Variants in TMEM132D observed in about 807,000 individuals in gnomAD.
TMEM132D encodes the protein mature OL transmembrane protein.
TMEM132D carries 21 observed loss-of-function variants against 62.3 expected under a neutral mutation model. That is an observed-to-expected ratio of 0.34 (90% CI 0.24 to 0.49). The LOEUF (loss-of-function observed/expected upper bound fraction) is 0.49. Among genes scored for constraint, TMEM132D ranks in the 20% least tolerant of loss-of-function variants. The pLI is 0.99. For missense variants in TMEM132D, 1,346 were observed against 1,402.8 expected (o/e 0.96, Z 0.65); for synonymous variants, 621 against 575.6 (o/e 1.08, Z -1.13).
At chr12:129,125,401 TGTG>T (rs1004681440) in intron 5 of TMEM132D, among the ~76,000 whole-genome samples, 2 of 152,126 alleles carry the variant, frequency 1.3e-5, no homozygotes, top group Admixed American at 6.5e-5. Context: ...TTAATCGTCC[TGTG>T]ATTAAGAAAA....
Position 129,081,834 on chromosome 12 carries a change from C to G in TMEM132D, c.1848G>C (p.Val616=), listed in dbSNP as rs1300416351. Residue 616 remains valine (V), a synonymous_variant, in exon 7 of 9, where the codon GTG becomes GTC. Coordinates refer to ENST00000422113, the MANE Select transcript of TMEM132D (RefSeq NM_133448.3). ...ITELINDFMQ[V]EEPRIAKLQG... ...GCAGCTTGGCGATCCTGGGCTCCTC[C>G]ACCTGCATGAAGTCATTTATCAGCT... 6 of 1,613,822 alleles carry G rather than the reference C, an allele frequency of 3.7e-6. No individual in the cohort carries two copies. The highest frequency in any genetic ancestry group is 3.3e-5 in the Admixed American group (2 of 59,974).
chr12:129,431,066 G>T (rs1359549545), intron 3 of TMEM132D, among the ~76,000 whole-genome samples: 1 of 152,190 alleles, frequency 6.6e-6, no homozygotes, highest in Non-Finnish European at 1.5e-5. Context: ...TCTGTCTTGG[G>T]CAGGGGGCTT....
chr12:129,550,760 C>A (rs570443435), intron 2 of TMEM132D, among the ~76,000 whole-genome samples: 47 of 152,182 alleles, frequency 3.1e-4, no homozygotes, highest in Non-Finnish European at 5.7e-4. Context: ...TTTCCTCTCA[C>A]TACTTCAGTC....
At chr12:129,473,654 A>C (rs928191382) in intron 3 of TMEM132D, among the ~76,000 whole-genome samples, 1 of 152,162 alleles carries the variant, frequency 6.6e-6, no homozygotes, top group African/African-American at 2.4e-5. Context: ...TTTTAGCTAA[A>C]GTATGTAATT....
chr12:129,531,951 G>A (rs1033455972), intron 2 of TMEM132D, among the ~76,000 whole-genome samples: 1 of 152,104 alleles, frequency 6.6e-6, no homozygotes, highest in African/African-American at 2.4e-5. Context: ...AGCTACTTGG[G>A]AGGCTGAGGT....
At chr12:129,362,280 A>C (rs1210766410) in intron 3 of TMEM132D, among the ~76,000 whole-genome samples, 2 of 151,840 alleles carry the variant, frequency 1.3e-5, no homozygotes, top group African/African-American at 4.8e-5. Context: ...AATCCTGGTT[A>C]AAGAGAGTTT....
intron 2 of TMEM132D, among the ~76,000 whole-genome samples, chr12:129,554,373 C>T (rs1276940937): frequency 6.6e-6 from 1 of 152,112 alleles, no homozygotes; most frequent in Non-Finnish European, 1.5e-5. Flanking sequence ...TTCATGCAAG[C>T]ATGGCCTAGG....
chr12:129,227,871 A>G lies in TMEM132D; in HGVS notation c.1300-18208T>C, dbSNP rs561146744. On this transcript the variant is annotated intron_variant, in intron 4 of 8. Coordinates refer to ENST00000422113, the MANE Select transcript of TMEM132D (RefSeq NM_133448.3). ...GTGTTTGGTTTTTTGTCCTTGCGAT[A>G]GTTTGCTGAGAATGATGGTTTCCAG... is the stretch of plus-strand genomic sequence containing the variant. Among the ~76,000 whole-genome samples, 170 of 152,182 alleles carry G rather than the reference A, an allele frequency of 1.1e-3. 1 individual carries two copies. The highest frequency in any genetic ancestry group is 4.0e-3 in the African/African-American group (168 of 41,502).
intron 2 of TMEM132D, among the ~76,000 whole-genome samples, chr12:129,593,291 C>A (rs528955368): frequency 6.6e-6 from 1 of 152,140 alleles, no homozygotes; most frequent in African/African-American, 2.4e-5. Context: ...TAACTTTCTT[C>A]AATGGCATCC....
intron 1 of TMEM132D, among the ~76,000 whole-genome samples, chr12:129,789,523 A>G (rs536904089): frequency 6.6e-5 from 10 of 152,360 alleles, no homozygotes; most frequent in African/African-American, 2.4e-4. Context: ...AGTATATGCA[A>G]TATACACCGT....
At chr12:129,791,008 A>C (rs902217469) in intron 1 of TMEM132D, among the ~76,000 whole-genome samples, 15 of 152,254 alleles carry the variant, frequency 9.9e-5, no homozygotes, top group Non-Finnish European at 1.6e-4. Context: ...AAAAGTACTA[A>C]GACCTTTAAT....
chr12:129,828,677 A>G (rs1213655873), intron 1 of TMEM132D, among the ~76,000 whole-genome samples: 3 of 22,198 alleles, frequency 1.4e-4, no homozygotes, highest in Non-Finnish European at 2.2e-4. Flanking sequence ...GAAAGGAAAG[A>G]AGGGAGGAAG....
At chr12:129,106,638 T>A (rs1875509448) in intron 5 of TMEM132D, among the ~76,000 whole-genome samples, 1 of 152,062 alleles carries the variant, frequency 6.6e-6, no homozygotes, top group Non-Finnish European at 1.5e-5. Context: ...CAGGCACAGA[T>A]CTCCTCCCAC....
At chr12:129,787,351 G>A (rs1364120230) in intron 1 of TMEM132D, among the ~76,000 whole-genome samples, 1 of 152,120 alleles carries the variant, frequency 6.6e-6, no homozygotes, top group Non-Finnish European at 1.5e-5. Context: ...ATGTCACCGA[G>A]GGCATTAGAG....
At chr12:129,438,255 C>T (rs918269783) in intron 3 of TMEM132D, among the ~76,000 whole-genome samples, 2 of 151,950 alleles carry the variant, frequency 1.3e-5, no homozygotes, top group African/African-American at 4.8e-5. Context: ...GGGTATATAC[C>T]CAGTAATGGG....
At chr12:129,655,574 G>A (rs541083471) in intron 2 of TMEM132D, among the ~76,000 whole-genome samples, 11 of 151,858 alleles carry the variant, frequency 7.2e-5, no homozygotes, top group South Asian at 6.3e-4. Flanking sequence ...CTTACCCTTC[G>A]TGGGGGCGTT....
intron 5 of TMEM132D, among the ~76,000 whole-genome samples, chr12:129,142,864 C>G (rs966606253): frequency 1.3e-5 from 2 of 152,108 alleles, no homozygotes; most frequent in Non-Finnish European, 2.9e-5. Flanking sequence ...CCCAAAGCAT[C>G]CACTAATTTT....
intron 3 of TMEM132D, among the ~76,000 whole-genome samples, chr12:129,383,546 T>G (rs1030657202): frequency 2.0e-5 from 3 of 152,056 alleles, no homozygotes; most frequent in Admixed American, 6.6e-5. Context: ...GCCTCCTGGG[T>G]TCTGGTGATT....
chr12:129,480,315 GAA>G (rs1281734074), intron 3 of TMEM132D, among the ~76,000 whole-genome samples: 2 of 152,238 alleles, frequency 1.3e-5, no homozygotes, highest in African/African-American at 4.8e-5. Flanking sequence ...GTGGGCCACT[GAA>G]AAGACTTTGG....
Sources: gnomAD v4.1 joint callset for allele counts (sites outside exome capture counted in the v4.1 genomes callset) on GRCh38, gnomAD v4.1.1 for gene constraint, MANE v1.5 for transcripts, NCBI Gene and HGNC (gene_info 2026-07-23, HGNC 2026-07-21) for gene names.